The following NCKAP5 variants were observed in gnomAD, a reference collection of about 807,000 sequenced individuals.
NCKAP5 encodes NCK associated protein 5, also known as nck-associated protein 5.
Under a neutral mutation model 167.0 loss-of-function variants are expected in NCKAP5, and 92 were observed. The observed-to-expected ratio is 0.55, with a 90% CI of 0.47 to 0.66. The LOEUF is 0.66. NCKAP5 is among the 30% of genes least tolerant of loss of function. The probability of loss-of-function intolerance (pLI) is 0.00; values close to 1 mark genes in which losing one functional copy is unlikely to be tolerated. For missense variants in NCKAP5, 2,378 were observed against 2,315.0 expected (o/e 1.03, Z -0.56); for synonymous variants, 891 against 877.4 (o/e 1.02, Z -0.27).
intron 11 of NCKAP5, 23 bp downstream of exon 11, chr2:132,860,469 T>C (rs1428982770): frequency 2.6e-6 from 4 of 1,554,100 alleles, no homozygotes; most frequent in Non-Finnish European, 3.5e-6. Context: ...GTAGCAAAGA[T>C]TGTTTTCCAG....
intron 16 of NCKAP5, among the ~76,000 whole-genome samples, chr2:132,768,730 C>T (rs1333603274): frequency 1.3e-5 from 2 of 150,606 alleles, no homozygotes; most frequent in Admixed American, 1.3e-4. Flanking sequence ...AGCTCCGCCT[C>T]CCAGGTTCAC....
At chr2:133,461,187 G>A (rs1428163370) in intron 3 of NCKAP5, among the ~76,000 whole-genome samples, 1 of 152,100 alleles carries the variant, frequency 6.6e-6, no homozygotes, top group Non-Finnish European at 1.5e-5. Context: ...CCATTGGGAG[G>A]AAGGACCTCC....
At chr2:133,492,718 C>T (rs1293123166) in intron 3 of NCKAP5, among the ~76,000 whole-genome samples, 1 of 152,210 alleles carries the variant, frequency 6.6e-6, no homozygotes, top group African/African-American at 2.4e-5. Flanking sequence ...AAAGCATTTT[C>T]TGTTCTAAAA....
In NCKAP5 at chr2:132,847,829, A is replaced by G. The variant is rs186719801; in HGVS notation, c.807+12663T>C. On this transcript the variant is annotated intron_variant, in intron 11 of 19. Transcript: ENST00000409261. ...ACATGATTTTGTTTAAACTCTTGAA[A>G]AGATAAAGCTAACCCACGGTGACAG... 1.4e-3 allele frequency among the ~76,000 whole-genome samples: 208 copies of G among 152,346 alleles called. 1 individual carries two copies. Among genetic ancestry groups the G allele is most frequent in the Non-Finnish European group, 1.8e-3 (120 of 68,022 alleles).
chr2:133,386,242 GT>G (rs929403028), intron 3 of NCKAP5, among the ~76,000 whole-genome samples: 1 of 152,182 alleles, frequency 6.6e-6, no homozygotes, highest in African/African-American at 2.4e-5. Flanking sequence ...ATTCTGGTAT[GT>G]TGTGTCTTCA....
intron 11 of NCKAP5, among the ~76,000 whole-genome samples, chr2:132,837,936 G>A (rs1339137417): frequency 1.3e-5 from 2 of 151,676 alleles, no homozygotes; most frequent in Non-Finnish European, 2.9e-5. Context: ...GTGGTGTTCT[G>A]GCAGCTGGAC....
In NCKAP5 at chr2:132,782,431, A is replaced by G. The variant is rs745626310; in HGVS notation, c.4380T>C (p.Asp1460=). Reference sequence around the variant, plus strand: ...AGAGGGGGGCTTCTGAACTCACAGCATCAGTCGCGGTTGCAGAGGCATCTG... The same window carrying G: ...AGAGGGGGGCTTCTGAACTCACAGCGTCAGTCGCGGTTGCAGAGGCATCTG... The part of the protein sequence containing the change: ...RHPDASATAT[D]AVSSEAPLSP... The change falls in exon 14 of 20, where the codon GAT becomes GAC. Residue 1460 remains aspartate (D), a synonymous_variant. Transcript: ENST00000409261. 26 of 1,613,962 alleles carry G rather than the reference A, an allele frequency of 1.6e-5. No homozygotes were observed. The highest frequency in any genetic ancestry group is 2.2e-5 in the Non-Finnish European group (26 of 1,179,886).
intron 2 of NCKAP5, among the ~76,000 whole-genome samples, chr2:133,518,894 G>A (rs1684248724): frequency 6.6e-6 from 1 of 152,136 alleles, no homozygotes; most frequent in Non-Finnish European, 1.5e-5. Context: ...TGATTCAGAA[G>A]GTGCTTTGAG....
At chr2:133,644,946 A>C in the NCKAP5 span, among the ~76,000 whole-genome samples, 2 of 152,234 alleles carry the variant, frequency 1.3e-5, no homozygotes, top group African/African-American at 4.8e-5. Flanking sequence ...AAAAAATGAG[A>C]AATCTATGAC....
the NCKAP5 span, among the ~76,000 whole-genome samples, chr2:133,590,604 G>T: frequency 6.6e-6 from 1 of 151,218 alleles, no homozygotes. Context: ...TCACAACCAT[G>T]GCAAACCACA....
chr2:133,240,666 T>A (rs949321567), intron 4 of NCKAP5, among the ~76,000 whole-genome samples: 1 of 152,190 alleles, frequency 6.6e-6, no homozygotes, highest in African/African-American at 2.4e-5. Flanking sequence ...AAGTGCTTTT[T>A]GCCAGGCGGG....
chr2:133,139,326 C>A (rs1297927972), intron 5 of NCKAP5, among the ~76,000 whole-genome samples: 2 of 152,106 alleles, frequency 1.3e-5, no homozygotes, highest in African/African-American at 4.8e-5. Flanking sequence ...AGATTAAATG[C>A]AATGTCTACA....
At chr2:132,899,672 C>T (rs752489602) in intron 8 of NCKAP5, among the ~76,000 whole-genome samples, 20 of 152,146 alleles carry the variant, frequency 1.3e-4, no homozygotes, top group Non-Finnish European at 2.5e-4. Context: ...GTCATGAATT[C>T]GAGACCAGCC....
At chr2:133,386,533 G>T (rs1686981675) in intron 3 of NCKAP5, among the ~76,000 whole-genome samples, 1 of 152,140 alleles carries the variant, frequency 6.6e-6, no homozygotes, top group African/African-American at 2.4e-5. Context: ...TGTTGATTTG[G>T]GGTGGAGAGT....
intron 8 of NCKAP5, among the ~76,000 whole-genome samples, chr2:132,908,792 T>A (rs1021295859): frequency 3.9e-5 from 6 of 152,226 alleles, no homozygotes; most frequent in African/African-American, 1.4e-4. Context: ...TGCTGTATAA[T>A]CTTCATGTTA....
chr2:133,613,529 A>C, the NCKAP5 span, among the ~76,000 whole-genome samples: 1 of 152,306 alleles, frequency 6.6e-6, no homozygotes, highest in Non-Finnish European at 1.5e-5. Flanking sequence ...AGTGTTTCAC[A>C]TTAGCTTGAA....
chr2:133,150,721 C>G (rs2083357772), intron 5 of NCKAP5, among the ~76,000 whole-genome samples: 1 of 152,092 alleles, frequency 6.6e-6, no homozygotes, highest in Non-Finnish European at 1.5e-5. Context: ...ATATACATCA[C>G]CTGTAACACA....
At chr2:132,817,999 G>GT (rs1401889709) in intron 11 of NCKAP5, among the ~76,000 whole-genome samples, 3 of 152,176 alleles carry the variant, frequency 2.0e-5, no homozygotes, top group African/African-American at 7.2e-5. Flanking sequence ...CCAGGCTGCA[G>GT]TGCCGCGGCA....
chr2:133,261,853 A>G (rs563860719), intron 4 of NCKAP5, among the ~76,000 whole-genome samples: 2 of 152,340 alleles, frequency 1.3e-5, no homozygotes, highest in East Asian at 3.9e-4. Flanking sequence ...CTAAAATGCT[A>G]TAATATTTAG....
Sources: allele counts gnomAD v4.1 joint callset (sites outside exome capture counted in the v4.1 genomes callset), GRCh38; gene constraint gnomAD v4.1.1; transcripts MANE v1.5; gene names NCBI Gene and HGNC (gene_info 2026-07-23, HGNC 2026-07-21).